Variants in SLC24A2 observed in about 807,000 individuals in gnomAD.
SLC24A2 encodes sodium/potassium/calcium exchanger 2.
In SLC24A2, 36 loss-of-function variants were observed where a neutral mutation model predicts 62.0. The observed-to-expected ratio is 0.58, with a 90% confidence interval of 0.44 to 0.77. The LOEUF (loss-of-function observed/expected upper bound fraction) is 0.77. Among genes scored for constraint, SLC24A2 ranks in the 30% least tolerant of loss-of-function variants. The pLI is 0.00. For synonymous variants in SLC24A2, 358 were observed against 294.0 expected, an observed-to-expected ratio of 1.22 and a Z score of -2.23; for missense variants, 846 against 817.9, an observed-to-expected ratio of 1.03 and a Z score of -0.42.
At chr9:19,842,386 G>T in the SLC24A2 span, among the ~76,000 whole-genome samples, 1 of 152,214 alleles carries the variant, frequency 6.6e-6, no homozygotes. Flanking sequence ...TGAAGACTCA[G>T]TTATGATGTA....
At chr9:20,079,252 G>C in the SLC24A2 span, among the ~76,000 whole-genome samples, 1 of 152,144 alleles carries the variant, frequency 6.6e-6, no homozygotes, top group Non-Finnish European at 1.5e-5. Context: ...TCAGAACTCT[G>C]AGAAAATAAA....
At chr9:19,718,284 C>CTTTTTT (rs71335446) in intron 2 of SLC24A2, among the ~76,000 whole-genome samples, 2 of 55,714 alleles carry the variant, frequency 3.6e-5, no homozygotes, top group African/African-American at 8.5e-5. Context: ...TGATTTAACA[C>CTTTTTT]TTTTTTTTTT....
At chr9:19,776,828 A>C (rs1822860316) in intron 2 of SLC24A2, among the ~76,000 whole-genome samples, 1 of 152,160 alleles carries the variant, frequency 6.6e-6, no homozygotes, top group South Asian at 2.1e-4. Flanking sequence ...CCACGTTGTA[A>C]ATATTACAGC....
chr9:20,070,868 G>T, the SLC24A2 span, among the ~76,000 whole-genome samples: 1 of 152,140 alleles, frequency 6.6e-6, no homozygotes. Flanking sequence ...GATATGGTTT[G>T]GATCTATGTT....
In SLC24A2 at chr9:19,514,586, G is replaced by A. The variant is rs1328720969; in HGVS notation, c.*1567C>T. 3 of 152,126 alleles carry A rather than the reference G, an allele frequency of 2.0e-5. No individual in the cohort carries two copies. The highest frequency in any genetic ancestry group is 2.9e-5 in the Non-Finnish European group (2 of 68,010). 9.4% of individuals were successfully genotyped at this position (152,126 alleles called of 1,614,324 possible). ...ACACAAGGTGTCATACAGAACTTGG[G>A]GGCGTGGAATATTTTAATTTCATGC... On this transcript the variant is annotated 3_prime_UTR_variant, in exon 11 of 11. Coordinates refer to ENST00000341998, the MANE Select transcript of SLC24A2 (RefSeq NM_020344.4).
At chr9:20,014,515 T>TAC in the SLC24A2 span, among the ~76,000 whole-genome samples, 7 of 147,858 alleles carry the variant, frequency 4.7e-5, no homozygotes, top group East Asian at 5.8e-4. Context: ...TATATATATA[T>TAC]ATACACACAC....
At chr9:19,831,943 C>G in the SLC24A2 span, among the ~76,000 whole-genome samples, 68 of 152,348 alleles carry the variant, frequency 4.5e-4, no homozygotes, top group African/African-American at 1.5e-3. Flanking sequence ...TAAAAATACT[C>G]TAGCATAATG....
rs999713420 is a variant in SLC24A2 at position 19,764,576 on chromosome 9, G to C, written c.930+21361C>G. ...TGTTATTTACGCAGTAGTCATTCAG[G>C]AGCAAGTTATTCAATTTCCATGTAA... On this transcript the variant is annotated intron_variant, in intron 2 of 10. Transcript: ENST00000341998. Among the ~76,000 whole-genome samples, 3 of 152,152 alleles carry C rather than the reference G, an allele frequency of 2.0e-5. No individual in the cohort carries two copies. The East Asian group carries it at 5.8e-4, about 29-fold the overall frequency.
At chr9:19,836,209 C>T in the SLC24A2 span, among the ~76,000 whole-genome samples, 1 of 151,926 alleles carries the variant, frequency 6.6e-6, no homozygotes, top group Non-Finnish European at 1.5e-5. Flanking sequence ...TAGCAGAAGG[C>T]AAGAAATAAC....
At chr9:20,197,137 C>A in the SLC24A2 span, among the ~76,000 whole-genome samples, 32 of 152,146 alleles carry the variant, frequency 2.1e-4, 1 homozygote, top group Middle Eastern at 0.01. Context: ...GAATGAAGAT[C>A]TCATACTATA....
the SLC24A2 span, among the ~76,000 whole-genome samples, chr9:20,040,731 G>C: frequency 1.3e-5 from 2 of 152,170 alleles, no homozygotes; most frequent in Non-Finnish European, 2.9e-5. Context: ...ATGCATCATG[G>C]CTATTTACAA....
chr9:19,824,992 G>T, the SLC24A2 span, among the ~76,000 whole-genome samples: 1 of 152,134 alleles, frequency 6.6e-6, no homozygotes, highest in African/African-American at 2.4e-5. Flanking sequence ...GACACAGGGA[G>T]GGGAACATCA....
the SLC24A2 span, among the ~76,000 whole-genome samples, chr9:19,999,708 C>G: frequency 6.6e-6 from 1 of 152,168 alleles, no homozygotes; most frequent in Non-Finnish European, 1.5e-5. Flanking sequence ...ACTAAGCAGT[C>G]AGTGAGTGAG....
chr9:19,585,199 A>AAAGT (rs1836336184), intron 5 of SLC24A2, among the ~76,000 whole-genome samples: 1 of 152,200 alleles, frequency 6.6e-6, no homozygotes, highest in African/African-American at 2.4e-5. Context: ...TGGAATTCTG[A>AAAGT]AAGTAACACC....
At chr9:19,733,252 T>C (rs1423196665) in intron 2 of SLC24A2, among the ~76,000 whole-genome samples, 2 of 152,202 alleles carry the variant, frequency 1.3e-5, no homozygotes, top group Non-Finnish European at 2.9e-5. Context: ...CAATTCGGTA[T>C]ACCTGTTATT....
chr9:19,967,370 T>G, the SLC24A2 span: 2 of 152,298 alleles, frequency 1.3e-5, no homozygotes, highest in Non-Finnish European at 2.9e-5. Flanking sequence ...TTTTTAATTC[T>G]TAGCAAACTG....
the SLC24A2 span, among the ~76,000 whole-genome samples, chr9:19,867,173 T>C: frequency 6.6e-6 from 1 of 152,140 alleles, no homozygotes; most frequent in Non-Finnish European, 1.5e-5. Context: ...AAAAATCTCA[T>C]ATGCCCCATA....
intron 2 of SLC24A2, among the ~76,000 whole-genome samples, chr9:19,739,085 C>A (rs748183212): frequency 6.6e-6 from 1 of 152,150 alleles, no homozygotes; most frequent in African/African-American, 2.4e-5. Context: ...CCACTGCACT[C>A]CATCCGGGGT....
chr9:19,709,355 T>C lies in SLC24A2; in HGVS notation c.930+76582A>G, dbSNP rs10964256. ...TGTGGAAGTCAGTGTGGCAATTCCT[T>C]GGGGATCTAGAACAAGAAATACCAT... On this transcript the variant is annotated intron_variant, in intron 2 of 10. Coordinates refer to ENST00000341998, the MANE Select transcript of SLC24A2 (RefSeq NM_020344.4). Among the ~76,000 whole-genome samples the C allele has an allele frequency of 2.1e-3, 319 of 152,228 alleles. 5 individuals are homozygous for C. In the East Asian group the frequency reaches 0.029, roughly 14 times the overall value.
Sources: gnomAD v4.1 joint callset for allele counts (sites outside exome capture counted in the v4.1 genomes callset) on GRCh38, gnomAD v4.1.1 for gene constraint, MANE v1.5 for transcripts, NCBI Gene and HGNC (gene_info 2026-07-23, HGNC 2026-07-21) for gene names.